USP32: variants seen among roughly 807,000 people sequenced by gnomAD.
USP32 encodes ubiquitin specific peptidase 32, also known as ubiquitin carboxyl-terminal hydrolase 32.
USP32 carries 59 observed loss-of-function variants against 204.8 expected under a neutral mutation model. The ratio of observed to expected loss-of-function variants is 0.29; its 90% CI spans 0.23 to 0.36. The LOEUF (loss-of-function observed/expected upper bound fraction) is 0.36, where lower values mean the gene tolerates loss of function less well. USP32 is among the 10% of genes least tolerant of loss of function. The probability of loss-of-function intolerance (pLI) is 1.00; values close to 1 mark genes in which losing one functional copy is unlikely to be tolerated. For missense variants in USP32, 1,160 were observed against 1,946.4 expected, an observed-to-expected ratio of 0.60 and a Z score of 7.60; for synonymous variants, 517 against 678.4, an observed-to-expected ratio of 0.76 and a Z score of 3.70.
intron 12 of USP32, among the ~76,000 whole-genome samples, chr17:60,231,005 G>A (rs535140225): frequency 1.9e-4 from 29 of 152,202 alleles, no homozygotes; most frequent in Middle Eastern, 3.4e-3. Context: ...CTAGAACCCT[G>A]GTTTTCAGAA....
chr17:60,417,071 C>A (rs545495655), intron 1 of USP32, among the ~76,000 whole-genome samples: 60 of 152,096 alleles, frequency 3.9e-4, no homozygotes, highest in African/African-American at 1.4e-3. Flanking sequence ...GTATGCACCA[C>A]CACACCCAGT....
chr17:60,331,873 T>C (rs1567856722), intron 2 of USP32, among the ~76,000 whole-genome samples: 1 of 147,006 alleles, frequency 6.8e-6, no homozygotes, highest in African/African-American at 2.5e-5. Context: ...TACTCCAGCC[T>C]GGCCACCAGA....
At chr17:60,348,083 C>A (rs981783994) in intron 1 of USP32, among the ~76,000 whole-genome samples, 1 of 150,994 alleles carries the variant, frequency 6.6e-6, no homozygotes, top group African/African-American at 2.4e-5. Context: ...GATAGCGCCA[C>A]TGCACTCCAG....
chr17:60,323,169 T>A (rs2145945031), intron 2 of USP32, among the ~76,000 whole-genome samples: 1 of 152,254 alleles, frequency 6.6e-6, no homozygotes, highest in Admixed American at 6.5e-5. Context: ...AATGGAAATA[T>A]ATATCCACGC....
In USP32 at chr17:60,223,537, T is replaced by G; in HGVS notation, c.1482A>C (p.Gln494His). Residue 494 changes from glutamine (Q) to histidine (H), a missense_variant, in exon 14 of 34, where the codon CAA becomes CAC. Physicochemically the swap from Gln to His is conservative, Grantham distance 24. Coordinates refer to ENST00000300896, the MANE Select transcript of USP32 (RefSeq NM_032582.4). Reference sequence around the variant, plus strand: ...GGTTGTTATTGTCAGAAGTGTTATGTTGTCGAGCAAAGCAAACATCTGCCC... The same window carrying G: ...GGTTGTTATTGTCAGAAGTGTTATGGTGTCGAGCAAAGCAAACATCTGCCC... ...TPGADVCFAR[Q>H]HNTSDNNNQC... The G allele has an allele frequency of 6.2e-7, 1 of 1,613,166 alleles. No homozygotes were observed. Among genetic ancestry groups the G allele is most frequent in the South Asian group, 1.1e-5 (1 of 90,652 alleles).
intron 11 of USP32, among the ~76,000 whole-genome samples, chr17:60,242,329 C>G (rs903682814): frequency 1.3e-5 from 2 of 151,956 alleles, no homozygotes; most frequent in Non-Finnish European, 2.9e-5. Context: ...TAAAGTCAGT[C>G]CTTTCTCTAC....
intron 1 of USP32, among the ~76,000 whole-genome samples, chr17:60,373,192 C>T (rs537591527): frequency 4.6e-5 from 7 of 152,040 alleles, no homozygotes; most frequent in South Asian, 4.2e-4. Context: ...GACCCTGTCT[C>T]GAGACAAAAC....
At chr17:60,192,378 T>C (rs73320993) in intron 28 of USP32, among the ~76,000 whole-genome samples, 138 of 152,344 alleles carry the variant, frequency 9.1e-4, no homozygotes, top group African/African-American at 3.1e-3. Context: ...GTATGGACTG[T>C]AGTTTATAAA....
Position 60,209,732 on chromosome 17 carries a change from A to C in USP32, c.2425-189T>G, listed in dbSNP as rs73990681. Among the ~76,000 whole-genome samples the C allele has an allele frequency of 3.2e-3, 483 of 150,740 alleles. 1 individual carries two copies. Among genetic ancestry groups the C allele is most frequent in the African/African-American group, 8.0e-3 (329 of 41,342 alleles). ...ATCTTAATGTCAAATGACCCCCCCC[A>C]AAAAAAGAGAAGTATTTTGGCCAAT... On this transcript the variant is annotated intron_variant, in intron 21 of 33. Transcript: ENST00000300896.
At chr17:60,241,736 T>C (rs2085884159) in intron 11 of USP32, among the ~76,000 whole-genome samples, 1 of 152,240 alleles carries the variant, frequency 6.6e-6, no homozygotes, top group African/African-American at 2.4e-5. Context: ...TCTTAATGTG[T>C]TGTAACAGTC....
Position 60,192,943 on chromosome 17 carries a change from A to G in USP32, c.3435-13T>C, listed in dbSNP as rs1238439832. Reference sequence around the variant, plus strand: ...CATACTGTCGTCACTGAAACAGAAGAGAACAAAAAGAGTGTAAGAAGCATT... The same window carrying G: ...CATACTGTCGTCACTGAAACAGAAGGGAACAAAAAGAGTGTAAGAAGCATT... On this transcript the variant is annotated splice_polypyrimidine_tract_variant and intron_variant, in intron 27 of 33. Transcript: ENST00000300896. 2 of 1,612,862 alleles carry G rather than the reference A, an allele frequency of 1.2e-6. No individual in the cohort carries two copies. Among genetic ancestry groups the G allele is most frequent in the African/African-American group, 2.7e-5 (2 of 74,906 alleles).
intron 2 of USP32, among the ~76,000 whole-genome samples, chr17:60,311,428 G>A (rs1343532325): frequency 6.6e-6 from 1 of 152,118 alleles, no homozygotes; most frequent in Non-Finnish European, 1.5e-5. Flanking sequence ...TAAATAATAT[G>A]ATTAACTCTG....
chr17:60,240,230 G>A (rs889637774), intron 11 of USP32, among the ~76,000 whole-genome samples: 3 of 152,186 alleles, frequency 2.0e-5, no homozygotes, highest in African/African-American at 7.2e-5. Context: ...ACAACATTTT[G>A]AGCATTAATG....
intron 1 of USP32, among the ~76,000 whole-genome samples, chr17:60,376,524 T>C (rs909922710): frequency 2.6e-5 from 4 of 151,868 alleles, no homozygotes; most frequent in African/African-American, 9.7e-5. Flanking sequence ...TCTTTTTTTT[T>C]CCTTTTCTTT....
intron 1 of USP32, among the ~76,000 whole-genome samples, chr17:60,404,904 G>A (rs931178100): frequency 6.6e-6 from 1 of 152,034 alleles, no homozygotes; most frequent in South Asian, 2.1e-4. Flanking sequence ...GGGTGGGTGC[G>A]ATGACTCCAC....
rs557403040 is a variant in USP32 at position 60,326,461 on chromosome 17, C to T, written c.186+19020G>A. On this transcript the variant is annotated intron_variant, in intron 2 of 33. Coordinates refer to ENST00000300896, the MANE Select transcript of USP32 (RefSeq NM_032582.4). ...AAGTAGCTGGGATTACAGGCACCGA[C>T]AACCATGCTCGGCTAATTTTTGTAT... 6.3e-4 allele frequency among the ~76,000 whole-genome samples: 96 copies of T among 152,254 alleles called. 3 individuals are homozygous for T. The South Asian group carries it at 0.02, about 32-fold the overall frequency.
At chr17:60,359,602 G>C (rs570401354) in intron 1 of USP32, among the ~76,000 whole-genome samples, 1 of 152,144 alleles carries the variant, frequency 6.6e-6, no homozygotes, top group East Asian at 1.9e-4. Context: ...CTTGAGCCCA[G>C]GAGTTTGAGA....
chr17:60,257,922 A>C (rs2086354638), intron 9 of USP32: 2 of 152,216 alleles, frequency 1.3e-5, no homozygotes, highest in African/African-American at 4.8e-5. Flanking sequence ...CGTAGCCTCT[A>C]TCCTGTAAGC....
chr17:60,286,418 G>A (rs981374383), intron 5 of USP32, among the ~76,000 whole-genome samples: 2 of 152,204 alleles, frequency 1.3e-5, no homozygotes, highest in African/African-American at 4.8e-5. Context: ...GCCATGTGAA[G>A]ACAGAGGCAA....
Sources: gnomAD v4.1 joint callset for allele counts (sites outside exome capture counted in the v4.1 genomes callset) on GRCh38, gnomAD v4.1.1 for gene constraint, MANE v1.5 for transcripts, NCBI Gene and HGNC (gene_info 2026-07-23, HGNC 2026-07-21) for gene names.